TET2: variants seen among roughly 807,000 people sequenced by gnomAD.
The protein encoded by TET2 is methylcytosine dioxygenase TET2.
A neutral mutation model predicts 142.9 loss-of-function variants in TET2; 299 were observed. That is an observed-to-expected ratio of 2.09 (90% CI 1.90 to 2.30). TET2 has a LOEUF of 2.30. Among genes scored for constraint, TET2 ranks in the 30% most tolerant of loss-of-function variants. The pLI is 0.00. For synonymous variants in TET2, 819 were observed against 849.0 expected, an observed-to-expected ratio of 0.96 and a Z score of 0.61; for missense variants, 2,418 against 2,378.0, an observed-to-expected ratio of 1.02 and a Z score of -0.35.
At chr4:105,155,108 G>T (rs1166330796) in intron 1 of TET2, among the ~76,000 whole-genome samples, 1 of 152,150 alleles carries the variant, frequency 6.6e-6, no homozygotes, top group Non-Finnish European at 1.5e-5. Flanking sequence ...CAAATTACTA[G>T]ATTTGGGGGG....
intron 9 of TET2, among the ~76,000 whole-genome samples, chr4:105,271,850 C>T (rs1730978992): frequency 6.6e-6 from 1 of 152,134 alleles, no homozygotes. Context: ...TTTCCTCCCT[C>T]CACCCCTTAC....
intron 2 of TET2, among the ~76,000 whole-genome samples, chr4:105,218,049 A>C (rs1727599408): frequency 6.6e-6 from 1 of 152,120 alleles, no homozygotes; most frequent in Non-Finnish European, 1.5e-5. Flanking sequence ...TGTTTAAACA[A>C]AATTGTAAGT....
intron 2 of TET2, among the ~76,000 whole-genome samples, chr4:105,213,240 T>C (rs1727280405): frequency 6.6e-6 from 1 of 152,198 alleles, no homozygotes; most frequent in African/African-American, 2.4e-5. Context: ...CATAATGATA[T>C]AACCTGCTGA....
chr4:105,195,606 A>G (rs1343236661), intron 2 of TET2, among the ~76,000 whole-genome samples: 1 of 152,302 alleles, frequency 6.6e-6, no homozygotes, highest in East Asian at 1.9e-4. Context: ...TCGATTATTT[A>G]TAATACTACA....
In TET2 at chr4:105,237,246, A is replaced by G; in HGVS notation, c.3304A>G (p.Asn1102Asp). The change falls in exon 3 of 11, where the codon AAT becomes GAT. Residue 1102 changes from asparagine (N) to aspartate (D), a missense_variant. Transcript: ENST00000380013. ...CAAAAGAACAGCTGCTTCTGTTCTC[A>G]ATAATTTTATAGAGTCACCTTCCAA... ...PTKRTAASVL[N>D]NFIESPSKLL... 2 of 1,614,136 alleles carry G rather than the reference A, an allele frequency of 1.2e-6. No individual in the cohort carries two copies. Among genetic ancestry groups the G allele is most frequent in the Non-Finnish European group, 1.7e-6 (2 of 1,180,008 alleles).
At chr4:105,222,490 T>G (rs1189229366) in intron 2 of TET2, among the ~76,000 whole-genome samples, 1 of 152,262 alleles carries the variant, frequency 6.6e-6, no homozygotes, top group Non-Finnish European at 1.5e-5. Context: ...TTTTCATGTG[T>G]CTTTTGGCTG....
chr4:105,189,622 T>G lies in TET2; in HGVS notation c.-192-738T>G, dbSNP rs147012025. Among the ~76,000 whole-genome samples the G allele has an allele frequency of 3.9e-3, 600 of 152,342 alleles. 6 individuals carry two copies. The highest frequency in any genetic ancestry group is 0.013 in the African/African-American group (557 of 41,580). ...CTCATGTTTTTAACCTACTCCCTTTTATCAGTGCATGTCATCTCCACTTAT... is the reference window on the plus strand; with the variant it reads ...CTCATGTTTTTAACCTACTCCCTTTGATCAGTGCATGTCATCTCCACTTAT... On this transcript the variant is annotated intron_variant, in intron 1 of 10. Coordinates refer to ENST00000380013, the MANE Select transcript of TET2 (RefSeq NM_001127208.3).
intron 3 of TET2, chr4:105,240,852 A>G (rs1470781807): frequency 9.3e-7 from 1 of 1,079,478 alleles, no homozygotes; most frequent in Non-Finnish European, 1.1e-6. Context: ...ATTAAATGTT[A>G]TAGGGAAGTA....
chr4:105,193,965 T>C (rs146133657), intron 2 of TET2, among the ~76,000 whole-genome samples: 49 of 152,248 alleles, frequency 3.2e-4, no homozygotes, highest in African/African-American at 1.1e-3. Context: ...AAAAAATTAT[T>C]GATTTGGAAC....
At position 105,236,340 on chromosome 4, in the gene TET2, C is replaced by T. The variant is rs748745799; in HGVS notation, c.2398C>T (p.His800Tyr). 7 of 1,613,884 alleles carry T rather than the reference C, an allele frequency of 4.3e-6. No individual in the cohort carries two copies. The African/African-American group carries it at 9.3e-5, about 22-fold the overall frequency. ...TTCAAAATCAAGCGAGTTCGAGACT[C>T]ATAATGTCCAAATGGGACTGGAGGA... The part of the protein sequence containing the change: ...QYSKSSEFET[H>Y]NVQMGLEEVQ... Residue 800 changes from histidine (H) to tyrosine (Y), a missense_variant, in exon 3 of 11, where the codon CAT (histidine) becomes TAT (tyrosine). Transcript: ENST00000380013.
chr4:105,254,638 C>T (rs1730033013), intron 6 of TET2, among the ~76,000 whole-genome samples: 1 of 152,138 alleles, frequency 6.6e-6, no homozygotes, highest in Non-Finnish European at 1.5e-5. Context: ...TCTTGAACTC[C>T]TGGACTCAAG....
At chr4:105,217,511 T>G (rs1390699365) in intron 2 of TET2, among the ~76,000 whole-genome samples, 1 of 152,082 alleles carries the variant, frequency 6.6e-6, no homozygotes, top group African/African-American at 2.4e-5. Context: ...AGTATGCTAT[T>G]CCATGGAAAT....
At chr4:105,223,844 A>G (rs1219034393) in intron 2 of TET2, among the ~76,000 whole-genome samples, 1 of 152,126 alleles carries the variant, frequency 6.6e-6, no homozygotes, top group Non-Finnish European at 1.5e-5. Context: ...ATACACAGTG[A>G]TTCCCGTAAG....
chr4:105,157,995 C>T (rs1250599937), intron 1 of TET2, among the ~76,000 whole-genome samples: 1 of 152,144 alleles, frequency 6.6e-6, no homozygotes, highest in African/African-American at 2.4e-5. Flanking sequence ...ACTGTTACAA[C>T]TTACTTACTT....
intron 1 of TET2, among the ~76,000 whole-genome samples, chr4:105,151,204 C>T (rs1402151670): frequency 6.6e-6 from 1 of 151,814 alleles, no homozygotes; most frequent in African/African-American, 2.4e-5. Context: ...TCCTGTAGTC[C>T]CAGCTACTCA....
Position 105,235,126 on chromosome 4 carries a change from C to G in TET2, c.1184C>G (p.Thr395Ser), listed in dbSNP as rs371186645. Residue 395 changes from threonine (T) to serine (S), a missense_variant, in exon 3 of 11, where the codon ACT becomes AGT. By Grantham distance (58) the Thr-to-Ser change is moderately conservative. Transcript: ENST00000380013. ...TTCACTAAGGATTCCTTTTCTGCCA[C>G]TACCACACCACCACCACCATCACAA... The part of the protein sequence containing the change: ...SVFTKDSFSA[T>S]TTPPPPSQLL... The G allele has an allele frequency of 1.2e-6, 2 of 1,613,846 alleles. No homozygotes were observed. Among genetic ancestry groups the G allele is most frequent in the Non-Finnish European group, 1.7e-6 (2 of 1,179,882 alleles).
intron 2 of TET2, among the ~76,000 whole-genome samples, chr4:105,219,608 A>G (rs1336645366): frequency 1.3e-5 from 2 of 152,244 alleles, no homozygotes; most frequent in South Asian, 2.1e-4. Context: ...ACTCTAATAT[A>G]GTTAATTTCT....
chr4:105,261,708 T>C (rs972952660), intron 7 of TET2, 51 bp from the exon 8 acceptor site: 14 of 1,151,550 alleles, frequency 1.2e-5, no homozygotes, highest in Non-Finnish European at 1.5e-5. Flanking sequence ...CTCTTTTACA[T>C]AGAGAAAATG....
At chr4:105,274,304 A>C (rs1731094837) in intron 10 of TET2, among the ~76,000 whole-genome samples, 1 of 152,226 alleles carries the variant, frequency 6.6e-6, no homozygotes, top group Non-Finnish European at 1.5e-5. Context: ...TATGACTTTT[A>C]AAAGTTTCAT....
Sources: allele counts gnomAD v4.1 joint callset (sites outside exome capture counted in the v4.1 genomes callset), GRCh38; gene constraint gnomAD v4.1.1; transcripts MANE v1.5; gene names NCBI Gene and HGNC (gene_info 2026-07-23, HGNC 2026-07-21).